The following PCDHGA10 variants were observed in gnomAD, a reference collection of about 807,000 sequenced individuals.
The protein encoded by PCDHGA10 is protocadherin gamma subfamily A, 10, also known as protocadherin gamma-A10.
Under a neutral mutation model 59.5 loss-of-function variants are expected in PCDHGA10, and 42 were observed. The observed-to-expected ratio is 0.71, with a 90% CI of 0.55 to 0.91. The LOEUF (loss-of-function observed/expected upper bound fraction) is 0.91, where lower values mean the gene tolerates loss of function less well. Among genes scored for constraint, PCDHGA10 ranks in the 40% least tolerant of loss-of-function variants. The pLI is 0.00. For missense variants in PCDHGA10, 1,111 were observed against 1,198.2 expected (o/e 0.93, Z 1.07); for synonymous variants, 511 against 517.2 (o/e 0.99, Z 0.16).
Position 141,431,674 on chromosome 5 carries a change from G to T in PCDHGA10, c.2436+16063G>T. 6.2e-7 allele frequency: 1 copy of T among 1,614,234 alleles called. No homozygotes were observed. ...ATTCAGGGACAATATCAACAATAGG[G>T]GAGTTGGACCACGAGGAGTCAGGAT... is the stretch of plus-strand genomic sequence containing the variant. On this transcript the variant is annotated intron_variant, in intron 1 of 3. Transcript: ENST00000398610. This position sits in a 1 kb window ranked among gnomAD's most constrained non-coding sequence, Gnocchi z 4.8.
chr5:141,426,431 A>G (rs916399837), intron 1 of PCDHGA10: 1 of 297,328 alleles, frequency 3.4e-6, no homozygotes, highest in Non-Finnish European at 6.7e-6. Context: ...GTGGTGGGGA[A>G]CCTTGCGGAG....
At chr5:141,458,615 G>A (rs2098949624) in intron 1 of PCDHGA10, among the ~76,000 whole-genome samples, 1 of 152,088 alleles carries the variant, frequency 6.6e-6, no homozygotes, top group Admixed American at 6.6e-5. Flanking sequence ...TGTCAGCCAG[G>A]CTGGAGTGCA....
chr5:141,431,111 G>A lies in PCDHGA10; in HGVS notation c.2436+15500G>A, dbSNP rs2097343539. The A allele has an allele frequency of 1.9e-6, 3 of 1,614,110 alleles. No individual in the cohort carries two copies. Among genetic ancestry groups the A allele is most frequent in the Non-Finnish European group, 2.5e-6 (3 of 1,180,034 alleles). On this transcript the variant is annotated intron_variant, in intron 1 of 3. Coordinates refer to ENST00000398610, the MANE Select transcript of PCDHGA10 (RefSeq NM_018913.3). This position sits in a 1 kb window ranked among gnomAD's most constrained non-coding sequence, Gnocchi z 4.8. ...GATGGAGGATAAAGTGAAAATATAT[G>A]GAGTAGAAGTAGAAGTAAGGGACAT...
At chr5:141,481,327 T>C (rs2099535776) in intron 1 of PCDHGA10, among the ~76,000 whole-genome samples, 1 of 152,244 alleles carries the variant, frequency 6.6e-6, no homozygotes, top group Non-Finnish European at 1.5e-5. Context: ...CACTAGCCCC[T>C]GGACAACTAT....
chr5:141,418,506 A>G, intron 1 of PCDHGA10: 1 of 1,613,978 alleles, frequency 6.2e-7, no homozygotes, highest in Non-Finnish European at 8.5e-7. Flanking sequence ...ACCGCCTTAG[A>G]TGGTGGGGAC....
At chr5:141,506,084 C>T (rs1426222889) in intron 3 of PCDHGA10, among the ~76,000 whole-genome samples, 8 of 152,068 alleles carry the variant, frequency 5.3e-5, no homozygotes, top group African/African-American at 1.9e-4. Flanking sequence ...AATAGAGATT[C>T]GGCTAGTGGT....
At chr5:141,509,335 G>T (rs113423267) in intron 3 of PCDHGA10, among the ~76,000 whole-genome samples, 106 of 152,262 alleles carry the variant, frequency 7.0e-4, no homozygotes, top group African/African-American at 2.4e-3. Context: ...CTGCCAGCTG[G>T]GCCTGGGCTG....
In PCDHGA10 at chr5:141,489,522, C is replaced by T. The variant is rs371948070; in HGVS notation, c.2437-5285C>T. 2.5e-6 allele frequency: 4 copies of T among 1,614,088 alleles called. No individual in the cohort carries two copies. Among genetic ancestry groups the T allele is most frequent in the Non-Finnish European group, 3.4e-6 (4 of 1,180,036 alleles). On this transcript the variant is annotated intron_variant, in intron 1 of 3. Coordinates refer to ENST00000398610, the MANE Select transcript of PCDHGA10 (RefSeq NM_018913.3). The surrounding 1 kb of genome is among the most constrained non-coding windows in gnomAD (Gnocchi z 4.5). ...TGAATCAAAAGATTGACCGAGAAAG[C>T]CTATGTGGAGCCAGCACCAGCTGCC...
intron 1 of PCDHGA10, among the ~76,000 whole-genome samples, chr5:141,447,805 G>A (rs1389870133): frequency 2.0e-5 from 3 of 152,064 alleles, no homozygotes; most frequent in Admixed American, 2.0e-4. Context: ...AATAAAATTG[G>A]CTGGGCGTGG....
chr5:141,503,616 A>G (rs1260134621), intron 2 of PCDHGA10, among the ~76,000 whole-genome samples: 2 of 150,944 alleles, frequency 1.3e-5, no homozygotes, highest in African/African-American at 2.4e-5. Context: ...AAAAAAAAAG[A>G]AAAAAGAAAA....
intron 1 of PCDHGA10, among the ~76,000 whole-genome samples, chr5:141,480,290 C>T (rs1053173416): frequency 2.2e-5 from 3 of 134,088 alleles, no homozygotes; most frequent in Non-Finnish European, 4.7e-5. Flanking sequence ...TGGCATGCAC[C>T]TGTGGTACCA....
In PCDHGA10 at chr5:141,413,785, C is replaced by G. The variant is rs771027783; in HGVS notation, c.610C>G (p.Leu204Val). 17 of 1,613,070 alleles carry G rather than the reference C, an allele frequency of 1.1e-5. No individual in the cohort carries two copies. The highest frequency in any genetic ancestry group is 1.4e-5 in the Non-Finnish European group (16 of 1,179,882). Residue 204 changes from leucine (L) to valine (V), a missense_variant, in exon 1 of 4, where the codon CTA becomes GTA. Physicochemically the swap from Leu to Val is conservative, Grantham distance 32. Transcript: ENST00000398610. ...KYPELVLEHS[L>V]DREEEAIHHL... ...CCCGGAGCTGGTACTGGAGCACTCC[C>G]TAGATCGCGAGGAAGAGGCCATTCA... is the stretch of plus-strand genomic sequence containing the variant.
intron 1 of PCDHGA10, among the ~76,000 whole-genome samples, chr5:141,456,033 G>A (rs1398584179): frequency 6.6e-6 from 1 of 151,884 alleles, no homozygotes; most frequent in Non-Finnish European, 1.5e-5. Flanking sequence ...GAGTAGCTGG[G>A]ACTACAGGCG....
At chr5:141,482,205 C>T (rs1478729653) in intron 1 of PCDHGA10, among the ~76,000 whole-genome samples, 1 of 151,896 alleles carries the variant, frequency 6.6e-6, no homozygotes, top group Non-Finnish European at 1.5e-5. Context: ...TAAAACAGAC[C>T]AGGTACTTGT....
Position 141,485,574 on chromosome 5 carries a change from C to T in PCDHGA10, c.2437-9233C>T. 1 of 1,612,568 alleles carries T rather than the reference C, an allele frequency of 6.2e-7. No homozygotes were observed. Among genetic ancestry groups the T allele is most frequent in the Non-Finnish European group, 8.5e-7 (1 of 1,178,752 alleles). On this transcript the variant is annotated intron_variant, in intron 1 of 3. Transcript: ENST00000398610. This position sits in a 1 kb window ranked among gnomAD's most constrained non-coding sequence, Gnocchi z 5.7. ...GTGAATGATCACGCCCCCCGTTTTCCGCGGCAGCAGCTGGACTTGGAAATT... is the reference window on the plus strand; with the variant it reads ...GTGAATGATCACGCCCCCCGTTTTCTGCGGCAGCAGCTGGACTTGGAAATT...
At position 141,422,391 on chromosome 5, in the gene PCDHGA10, T is replaced by A. The variant is rs1036823508; in HGVS notation, c.2436+6780T>A. On this transcript the variant is annotated intron_variant, in intron 1 of 3. Transcript: ENST00000398610. ...ATGGTCAAGTCTCCTGTTTTATTCCTAACCACCTGCCTTTTAAATTAGAAA... is the reference window on the plus strand; with the variant it reads ...ATGGTCAAGTCTCCTGTTTTATTCCAAACCACCTGCCTTTTAAATTAGAAA... 2.5e-6 allele frequency: 4 copies of A among 1,591,932 alleles called. No individual in the cohort carries two copies. The African/African-American group carries it at 4.1e-5, about 16-fold the overall frequency.
intron 1 of PCDHGA10, chr5:141,421,938 T>C (rs777643980): frequency 2.9e-5 from 46 of 1,613,346 alleles, no homozygotes; most frequent in Non-Finnish European, 3.5e-5. Context: ...TCGATGTAAA[T>C]GATCACATCC....
intron 1 of PCDHGA10, chr5:141,421,898 A>T: frequency 6.2e-7 from 1 of 1,613,736 alleles, no homozygotes; most frequent in Non-Finnish European, 8.5e-7. Flanking sequence ...CCCATCCGAA[A>T]GGGCGCAGTT....
At position 141,422,923 on chromosome 5, in the gene PCDHGA10, C is replaced by T. The variant is rs188787674; in HGVS notation, c.2436+7312C>T. The T allele has an allele frequency of 1.6e-5, 26 of 1,614,252 alleles. No homozygotes were observed. In the East Asian group the frequency reaches 2.5e-4, roughly 15 times the overall value. On this transcript the variant is annotated intron_variant, in intron 1 of 3. Coordinates refer to ENST00000398610, the MANE Select transcript of PCDHGA10 (RefSeq NM_018913.3). ...CGACAATGCGCCCGAGATCCTGTAC[C>T]CTGCCCTCCCCACAGACGGCTCCAC...
Sources: allele counts gnomAD v4.1 joint callset (sites outside exome capture counted in the v4.1 genomes callset), GRCh38; gene constraint gnomAD v4.1.1; non-coding constraint Gnocchi (gnomAD v3.1); transcripts MANE v1.5; gene names NCBI Gene and HGNC (gene_info 2026-07-23, HGNC 2026-07-21).